The following BFSP1 variants were observed in gnomAD, a reference collection of about 807,000 sequenced individuals.
The protein encoded by BFSP1 is filensin.
BFSP1 carries 38 observed loss-of-function variants against 43.9 expected under a neutral mutation model. That is an observed-to-expected ratio of 0.87 (90% CI 0.67 to 1.14). BFSP1 has a LOEUF of 1.14. BFSP1 is among the 50% of genes most tolerant of loss of function. BFSP1 has a pLI of 0.00. For synonymous variants in BFSP1, 352 were observed against 354.8 expected (o/e 0.99, Z 0.09); for missense variants, 850 against 875.1 (o/e 0.97, Z 0.36).
At chr20:17,555,065 G>A (rs145098964) in intron 1 of BFSP1, among the ~76,000 whole-genome samples, 1,527 of 151,164 alleles carry the variant, frequency 0.01, 29 homozygotes, top group African/African-American at 0.035. Context: ...TTGGGAGGCC[G>A]AGGTGGGAGA....
chr20:17,520,220 C>CCCCCCCCCCCCT (rs2034293018), intron 2 of BFSP1, among the ~76,000 whole-genome samples: 1 of 148,570 alleles, frequency 6.7e-6, no homozygotes, highest in Non-Finnish European at 1.5e-5. Context: ...GCCCCCCCAC[C>CCCCCCCCCCCCT]CCGCCCACCT....
At chr20:17,561,663 T>G (rs929808605), upstream of BFSP1, among the ~76,000 whole-genome samples, 5 of 152,214 alleles carry the variant, frequency 3.3e-5, no homozygotes, top group Non-Finnish European at 7.3e-5. Context: ...TATAAAGTTC[T>G]GAAAGGCTCT....
intron 1 of BFSP1, among the ~76,000 whole-genome samples, chr20:17,555,309 A>G (rs1472466728): frequency 6.6e-6 from 1 of 151,268 alleles, no homozygotes; most frequent in Non-Finnish European, 1.5e-5. Flanking sequence ...AAAAAAAAAA[A>G]AAGAATAGTA....
rs538983163 is a variant in BFSP1 at position 17,516,025 on chromosome 20, C to T, written c.439-1209G>A. Among the ~76,000 whole-genome samples the T allele has an allele frequency of 5.9e-5, 9 of 152,300 alleles. No homozygotes were observed. In the South Asian group the frequency reaches 1.9e-3, roughly 32 times the overall value. On this transcript the variant is annotated intron_variant, in intron 2 of 7. Transcript: ENST00000377873. ...TCGGTCTGGCAAGGCCTTGAGACTG[C>T]ACTCTTAAGAAAGGCACTTGGGGCC...
intron 1 of BFSP1, among the ~76,000 whole-genome samples, chr20:17,564,926 C>G (rs1453374824): frequency 6.6e-6 from 1 of 151,016 alleles, no homozygotes; most frequent in Non-Finnish European, 1.5e-5. Context: ...ATGTGTATAC[C>G]CATGTAACTT....
intron 6 of BFSP1, among the ~76,000 whole-genome samples, chr20:17,497,441 C>CGT (rs199568214): frequency 2.8e-5 from 2 of 70,218 alleles, no homozygotes; most frequent in South Asian, 1.1e-3. Flanking sequence ...TGTATATATA[C>CGT]GTGTATGTAT....
chr20:17,553,794 TACACACAC>T (rs144515006), intron 1 of BFSP1, among the ~76,000 whole-genome samples: 8,866 of 104,860 alleles, frequency 0.085, 513 homozygotes, highest in African/African-American at 0.12. Flanking sequence ...TATATATATA[TACACACAC>T]ACACACACAC....
chr20:17,496,801 A>C, intron 7 of BFSP1, 137 bp downstream of exon 7: 2 of 735,722 alleles, frequency 2.7e-6, no homozygotes, highest in Non-Finnish European at 2.0e-6. Flanking sequence ...AGAGGGTGGG[A>C]AGGAGTCCTC....
chr20:17,513,384 C>T (rs776220834), intron 3 of BFSP1, among the ~76,000 whole-genome samples: 2 of 152,074 alleles, frequency 1.3e-5, no homozygotes, highest in Admixed American at 6.5e-5. Flanking sequence ...ACAGTGTGAG[C>T]GATCATCATC....
chr20:17,495,045 G>A lies in BFSP1; in HGVS notation c.1043-16C>T. 1 of 1,580,588 alleles carries A rather than the reference G, an allele frequency of 6.3e-7. No individual in the cohort carries two copies. The highest frequency in any genetic ancestry group is 1.4e-5 in the African/African-American group (1 of 73,106). On this transcript the variant is annotated splice_polypyrimidine_tract_variant and intron_variant, in intron 7 of 7. Transcript: ENST00000377873. ...CTGGTAAGATCTGGAAAAACACACA[G>A]GCAGAAATTCAAGTATAATTGTCAC...
upstream of BFSP1, among the ~76,000 whole-genome samples, chr20:17,561,525 A>G (rs1568722283): frequency 6.6e-6 from 1 of 152,138 alleles, no homozygotes; most frequent in African/African-American, 2.4e-5. Flanking sequence ...AGAATGTATC[A>G]TGCTTATGAA....
At position 17,555,575 on chromosome 20, in the gene BFSP1, C is replaced by T. The variant is rs184686563; in HGVS notation, c.2+3113G>A. Among the ~76,000 whole-genome samples the T allele has an allele frequency of 1.1e-3, 163 of 152,108 alleles. 1 individual carries two copies. The highest frequency in any genetic ancestry group is 3.7e-3 in the African/African-American group (152 of 41,518). Reference sequence around the variant, plus strand: ...GGCTGAGGCATGAGAATCGCTTGAACCCGGGAGGCAGAGGTTGCAGTAAGC... The same window carrying T: ...GGCTGAGGCATGAGAATCGCTTGAATCCGGGAGGCAGAGGTTGCAGTAAGC... On this transcript the variant is annotated intron_variant, in intron 1 of 7. Coordinates refer to the BFSP1 transcript ENST00000377868.
In BFSP1 at chr20:17,494,217, A is replaced by G. The variant is rs1284664668; in HGVS notation, c.1855T>C (p.Tyr619His). 2 of 1,614,174 alleles carry G rather than the reference A, an allele frequency of 1.2e-6. No individual in the cohort carries two copies. Among genetic ancestry groups the G allele is most frequent in the Non-Finnish European group, 1.7e-6 (2 of 1,180,044 alleles). ...GATTCCACCACTTCCACTGTCTTAT[A>G]GGCCAAAGCCTTGGGAGGGCCTTTT... is the stretch of plus-strand genomic sequence containing the variant. ...PEKGPPKALAYKTVEVVESIE... is the reference protein window; with the variant it reads ...PEKGPPKALAHKTVEVVESIE... The change falls in exon 8 of 8, where the codon TAT becomes CAT. Residue 619 changes from tyrosine (Y) to histidine (H), a missense_variant. Transcript: ENST00000377873.
chr20:17,517,393 C>T, intron 2 of BFSP1: 1 of 765,282 alleles, frequency 1.3e-6, no homozygotes, highest in African/African-American at 1.7e-5. Context: ...TGCGTTTCCT[C>T]CTGCCTCAGC....
At chr20:17,559,398 C>G (rs2122124164), upstream of BFSP1, among the ~76,000 whole-genome samples, 1 of 152,314 alleles carries the variant, frequency 6.6e-6, no homozygotes, top group South Asian at 2.1e-4. Context: ...CTCAGTATCT[C>G]TTCTGTGGAG....
chr20:17,494,533 A>G lies in BFSP1; in HGVS notation c.1539T>C (p.Ser513=), dbSNP rs767062195. ...CTAAAGGGGGCTTGGGTGACTCAGG[A>G]GAGGGCTCCACCTGGCCGTCATAAA... ...SVLYDGQVEP[S]PESPKPPLEN... is the part of the protein sequence containing the mutation. The change falls in exon 8 of 8, where the codon TCT becomes TCC. Residue 513 remains serine, a synonymous_variant. Transcript: ENST00000377873. The G allele has an allele frequency of 6.2e-7, 1 of 1,614,208 alleles. No homozygotes were observed.
At chr20:17,497,644 A>G (rs1470083898) in intron 6 of BFSP1, among the ~76,000 whole-genome samples, 2 of 149,228 alleles carry the variant, frequency 1.3e-5, no homozygotes, top group Non-Finnish European at 3.0e-5. Flanking sequence ...ATACATATAT[A>G]CATATATCTA....
At chr20:17,553,822 CACATATATATATAT>C (rs1167578515) in intron 1 of BFSP1, among the ~76,000 whole-genome samples, 6 of 63,516 alleles carry the variant, frequency 9.4e-5, no homozygotes, top group African/African-American at 1.6e-4. Context: ...CACACACACA[CACATATATATATAT>C]ACACATATAT....
chr20:17,550,502 T>C (rs1315307575), intron 1 of BFSP1, among the ~76,000 whole-genome samples: 1 of 148,282 alleles, frequency 6.7e-6, no homozygotes, highest in African/African-American at 2.5e-5. Context: ...TTCACTCTTA[T>C]CTCCCAGGCT....
Sources: allele counts gnomAD v4.1 joint callset (sites outside exome capture counted in the v4.1 genomes callset), GRCh38; gene constraint gnomAD v4.1.1; transcripts MANE v1.5; gene names NCBI Gene and HGNC (gene_info 2026-07-23, HGNC 2026-07-21).